The following ST6GAL1 variants were observed in gnomAD, a reference collection of about 807,000 sequenced individuals.
The protein encoded by ST6GAL1 is beta-galactoside alpha-2,6-sialyltransferase 1.
ST6GAL1 carries 20 observed loss-of-function variants against 38.0 expected under a neutral mutation model. That is an observed-to-expected ratio of 0.53 (90% CI 0.37 to 0.77). The LOEUF is 0.77. ST6GAL1 is among the 30% of genes least tolerant of loss of function. The pLI, the probability that ST6GAL1 is intolerant of heterozygous loss-of-function variation, is 0.00. For synonymous variants in ST6GAL1, 196 were observed against 188.2 expected, an observed-to-expected ratio of 1.04 and a Z score of -0.34; for missense variants, 432 against 496.4, an observed-to-expected ratio of 0.87 and a Z score of 1.23.
Position 187,070,752 on chromosome 3 carries a change from A to G in ST6GAL1, c.706-2097A>G, listed in dbSNP as rs190470261. Among the ~76,000 whole-genome samples the G allele has an allele frequency of 2.7e-3, 413 of 152,148 alleles. 1 individual carries two copies. Among genetic ancestry groups the G allele is most frequent in the African/African-American group, 8.0e-3 (332 of 41,514 alleles). On this transcript the variant is annotated intron_variant, in intron 5 of 7. Coordinates refer to ENST00000169298, the MANE Select transcript of ST6GAL1 (RefSeq NM_173216.2). ...ACTCGCTCACTTTATGGCCATCCTC[A>G]TACTACCTCTGTTGTTGCACCATCA...
chr3:186,959,670 C>T (rs150177344), intron 1 of ST6GAL1, among the ~76,000 whole-genome samples: 9 of 152,212 alleles, frequency 5.9e-5, no homozygotes, highest in East Asian at 1.9e-4. Context: ...AGAAATAATC[C>T]GGAAAGTCTC....
At chr3:187,048,880 A>AATTTTTTTTTTTTTTT (rs1286181913) in intron 4 of ST6GAL1, among the ~76,000 whole-genome samples, 2 of 115,456 alleles carry the variant, frequency 1.7e-5, no homozygotes, top group African/African-American at 7.5e-5. Flanking sequence ...GAGAAATTGA[A>AATTTTTTTTTTTTTTT]TTTTTTTTTT....
chr3:186,936,477 TC>T, intron 1 of ST6GAL1, among the ~76,000 whole-genome samples: 1 of 152,322 alleles, frequency 6.6e-6, no homozygotes, highest in Non-Finnish European at 1.5e-5. Flanking sequence ...GCAGTCTGAC[TC>T]CTATAGATGT....
At chr3:187,024,489 TATATAGAGAGAGAGAGAG>T (rs1368471415) in intron 2 of ST6GAL1, among the ~76,000 whole-genome samples, 2 of 90,966 alleles carry the variant, frequency 2.2e-5, no homozygotes, top group African/African-American at 8.1e-5. Context: ...TATATATATA[TATATAGAGAGAGAGAGAG>T]AGAGAGAGAG....
intron 5 of ST6GAL1, chr3:187,072,357 C>G: frequency 1.4e-5 from 1 of 71,650 alleles, no homozygotes; most frequent in Non-Finnish European, 3.3e-5. Context: ...ATGTGTTGGA[C>G]TGTGTTGGCT....
chr3:186,934,859 C>T (rs1023849543), intron 1 of ST6GAL1, among the ~76,000 whole-genome samples: 2 of 152,018 alleles, frequency 1.3e-5, no homozygotes, highest in Non-Finnish European at 2.9e-5. Flanking sequence ...CTCCGCCTCC[C>T]GGGTTCACGC....
At chr3:186,989,713 T>C (rs1017322663) in intron 2 of ST6GAL1, among the ~76,000 whole-genome samples, 2 of 152,214 alleles carry the variant, frequency 1.3e-5, no homozygotes. Context: ...ATAGAGAACA[T>C]ATCAATTTGA....
At chr3:186,985,803 A>G (rs546822385) in intron 2 of ST6GAL1, among the ~76,000 whole-genome samples, 26 of 151,976 alleles carry the variant, frequency 1.7e-4, no homozygotes, top group African/African-American at 6.3e-4. Context: ...AAGAAAAAGA[A>G]AAAAAGACGA....
chr3:186,980,141 A>G (rs374879891), intron 2 of ST6GAL1, among the ~76,000 whole-genome samples: 24 of 152,298 alleles, frequency 1.6e-4, no homozygotes, highest in Admixed American at 3.3e-4. Flanking sequence ...CCATTGTGCC[A>G]TTGGTCTACA....
At position 187,075,419 on chromosome 3, in the gene ST6GAL1, G is replaced by A. The variant is rs35088576; in HGVS notation, c.980-143G>A. The A allele has an allele frequency of 7.7e-7, 1 of 1,296,762 alleles. No homozygotes were observed. Among genetic ancestry groups the A allele is most frequent in the Non-Finnish European group, 1.1e-6 (1 of 948,308 alleles). The allele number at this position is 1,296,762 out of a possible 1,614,324, so 80.3% of individuals were successfully genotyped here. A position where few individuals can be genotyped will look rare whatever the true frequency, so the allele number is the denominator to read the frequency against. ...GCTGGGCTTGGCTTGCTGAAACTTA[G>A]ATTGGGAATCACAGTCATAAATAGA... On this transcript the variant is annotated intron_variant, in intron 7 of 7. Coordinates refer to ENST00000169298, the MANE Select transcript of ST6GAL1 (RefSeq NM_173216.2). This position sits in a 1 kb window ranked among gnomAD's most constrained non-coding sequence, Gnocchi z 4.1.
chr3:186,996,309 C>T (rs1344285081), intron 2 of ST6GAL1, among the ~76,000 whole-genome samples: 2 of 152,094 alleles, frequency 1.3e-5, no homozygotes, highest in African/African-American at 2.4e-5. Context: ...AGAAATAATC[C>T]GGATCTTATT....
intron 2 of ST6GAL1, among the ~76,000 whole-genome samples, chr3:186,984,716 TCCCTTCCTC>T (rs1715809056): frequency 6.8e-6 from 1 of 147,326 alleles, no homozygotes; most frequent in African/African-American, 2.5e-5. Flanking sequence ...TTTCTTTCCT[TCCCTTCCTC>T]CCTTCCTTCC....
chr3:187,000,989 CAG>C (rs1436172705), intron 2 of ST6GAL1, among the ~76,000 whole-genome samples: 1 of 152,144 alleles, frequency 6.6e-6, no homozygotes, highest in Non-Finnish European at 1.5e-5. Context: ...TGTAACTGAC[CAG>C]AGTGTCAGGT....
rs184115813 is a variant in ST6GAL1, at chr3:186,994,640, A to G, written c.-183+30714A>G. On this transcript the variant is annotated intron_variant, in intron 2 of 7. Transcript: ENST00000169298. ...TCATTTTTGCTGTAGATATTTCAGT[A>G]TGTATATTTAAAAGATAGAGACCCT... is the stretch of plus-strand genomic sequence containing the variant. 5.3e-5 allele frequency among the ~76,000 whole-genome samples: 8 copies of G among 152,276 alleles called. No individual in the cohort carries two copies. The East Asian group carries it at 5.8e-4, about 11-fold the overall frequency.
chr3:186,954,005 C>T (rs1488515594), intron 1 of ST6GAL1, among the ~76,000 whole-genome samples: 2 of 152,072 alleles, frequency 1.3e-5, no homozygotes, highest in Non-Finnish European at 2.9e-5. Flanking sequence ...TGACAGGCCC[C>T]AGTGTGTGTT....
rs1553836653 is a variant in ST6GAL1, at chr3:187,066,601, C to CGTGCGTGTGT, written c.706-6245_706-6244insCGTGTGTGTG. 1.9e-4 allele frequency among the ~76,000 whole-genome samples: 29 copies of CGTGCGTGTGT among 148,730 alleles called. 3 individuals are homozygous for CGTGCGTGTGT. The highest frequency in any genetic ancestry group is 1.5e-5 in the Non-Finnish European group (1 of 67,152). On this transcript the variant is annotated intron_variant, in intron 5 of 7. Transcript: ENST00000169298. ...TAATATCTGAAGATGTGCGTGCGTG[C>CGTGCGTGTGT]GTGTGTGTGTGTGTGTGTGTGTGTG...
chr3:187,049,780 T>C (rs1214834566), intron 4 of ST6GAL1, among the ~76,000 whole-genome samples: 3 of 152,260 alleles, frequency 2.0e-5, no homozygotes, highest in East Asian at 3.8e-4. Context: ...ATCTGTGAAA[T>C]GGAAAAGTTG....
intron 1 of ST6GAL1, among the ~76,000 whole-genome samples, chr3:186,934,279 G>A (rs559756672): frequency 4.6e-5 from 7 of 152,272 alleles, no homozygotes; most frequent in Non-Finnish European, 8.8e-5. Flanking sequence ...GCTCACTCCA[G>A]TAATCACAGC....
chr3:186,986,770 A>T (rs1258647130), intron 2 of ST6GAL1: 1 of 151,996 alleles, frequency 6.6e-6, no homozygotes, highest in Admixed American at 6.6e-5. Context: ...AGGCGGAAAG[A>T]CCCCAGACTT....
Sources: gnomAD v4.1 joint callset for allele counts (sites outside exome capture counted in the v4.1 genomes callset) on GRCh38, gnomAD v4.1.1 for gene constraint, Gnocchi (gnomAD v3.1) non-coding constraint, MANE v1.5 for transcripts, NCBI Gene and HGNC (gene_info 2026-07-23, HGNC 2026-07-21) for gene names.